The following GARIN1A variants were observed in gnomAD, a reference collection of about 807,000 sequenced individuals.
The protein encoded by GARIN1A is Golgi-associated RAB2 interactor protein 1A.
the GARIN1A span, chr7:128,672,560 T>C: frequency 6.4e-7 from 1 of 1,557,970 alleles, no homozygotes; most frequent in South Asian, 1.1e-5. Context: ...GGTACCCTCG[T>C]GGAGCTCAGG....
the GARIN1A span, among the ~76,000 whole-genome samples, chr7:128,679,563 C>T: frequency 6.6e-6 from 1 of 152,146 alleles, no homozygotes; most frequent in African/African-American, 2.4e-5. Context: ...CAAGTATTTG[C>T]CCTTCCTCTT....
chr7:128,699,332 A>G, the GARIN1A span, among the ~76,000 whole-genome samples: 4 of 145,584 alleles, frequency 2.7e-5, no homozygotes, highest in African/African-American at 7.6e-5. Context: ...TTATTTAACA[A>G]TTCATTTGTT....
At chr7:128,672,214 C>T in the GARIN1A span, 3 of 530,762 alleles carry the variant, frequency 5.7e-6, no homozygotes, top group Non-Finnish European at 1.0e-5. Context: ...GTCACCATCA[C>T]ATTCCTTGAT....
the GARIN1A span, chr7:128,675,614 C>T: frequency 5.8e-6 from 9 of 1,543,696 alleles, no homozygotes; most frequent in African/African-American, 9.7e-5. Context: ...TTTCCAGCAT[C>T]TGTATTCCAC....
chr7:128,689,543 GCCCCTCCGCCCGGC>G, the GARIN1A span, among the ~76,000 whole-genome samples: 1 of 150,072 alleles, frequency 6.7e-6, no homozygotes, highest in African/African-American at 2.5e-5. Context: ...GAAGTGAGGA[GCCCCTCCGCCCGGC>G]AGCCGCCCCG....
the GARIN1A span, among the ~76,000 whole-genome samples, chr7:128,680,753 GAC>G: frequency 6.6e-6 from 1 of 151,982 alleles, no homozygotes; most frequent in Admixed American, 6.6e-5. Flanking sequence ...TTTTAGTAGA[GAC>G]AGGGTTTCAC....
At chr7:128,696,008 CTTTTTTTTT>C in the GARIN1A span, among the ~76,000 whole-genome samples, 10 of 80,122 alleles carry the variant, frequency 1.2e-4, no homozygotes, top group African/African-American at 4.1e-4. Flanking sequence ...TCCTAACTTC[CTTTTTTTTT>C]TTTTTTTTTT....
At chr7:128,701,928 A>G in the GARIN1A span, among the ~76,000 whole-genome samples, 1 of 152,168 alleles carries the variant, frequency 6.6e-6, no homozygotes, top group Non-Finnish European at 1.5e-5. Flanking sequence ...ATCCTACACA[A>G]AAATAAGAAT....
chr7:128,683,452 T>TTTTATTTATTTA, the GARIN1A span: 24,208 of 154,178 alleles, frequency 0.16, 2,211 homozygotes, highest in Admixed American at 0.21. Flanking sequence ...GACTGGGTAA[T>TTTTATTTATTTA]TTTATTTATT....
chr7:128,705,657 T>G, the GARIN1A span, among the ~76,000 whole-genome samples: 3 of 1,322 alleles, frequency 2.3e-3, no homozygotes, highest in Admixed American at 0.021. Flanking sequence ...TTTTTGGTGT[T>G]TTTTTTTTTT....
the GARIN1A span, chr7:128,690,403 A>T: frequency 6.8e-6 from 1 of 146,480 alleles, no homozygotes; most frequent in Non-Finnish European, 1.5e-5. Flanking sequence ...ATGATCAATA[A>T]AAATAAATAA....
chr7:128,678,731 C>G, the GARIN1A span, among the ~76,000 whole-genome samples: 2 of 146,088 alleles, frequency 1.4e-5, no homozygotes, highest in Non-Finnish European at 3.0e-5. Flanking sequence ...ACTCAGGAAG[C>G]AAAGGTTGCA....
the GARIN1A span, chr7:128,675,549 G>A: frequency 1.1e-6 from 1 of 893,838 alleles, no homozygotes; most frequent in South Asian, 1.5e-5. Flanking sequence ...AGGATCAATA[G>A]CAGGTCAGGG....
chr7:128,672,894 ACT>A, the GARIN1A span, among the ~76,000 whole-genome samples: 1 of 152,004 alleles, frequency 6.6e-6, no homozygotes, highest in Non-Finnish European at 1.5e-5. Flanking sequence ...GCTGTTAGAA[ACT>A]CTGCTCTGAA....
the GARIN1A span, among the ~76,000 whole-genome samples, chr7:128,696,679 G>T: frequency 6.6e-6 from 1 of 152,108 alleles, no homozygotes; most frequent in South Asian, 2.1e-4. Context: ...AAAAGAAAAA[G>T]GATTCTAGGT....
At chr7:128,684,699 T>C in the GARIN1A span, 2 of 151,020 alleles carry the variant, frequency 1.3e-5, no homozygotes, top group Non-Finnish European at 2.9e-5. Flanking sequence ...CCCTGGCTCA[T>C]ACAACATTTC....
chr7:128,688,685 CCT>C, the GARIN1A span, among the ~76,000 whole-genome samples: 1 of 151,796 alleles, frequency 6.6e-6, no homozygotes, highest in Admixed American at 6.6e-5. Context: ...ATCTCAGTTT[CCT>C]CTGAGTACCA....
At chr7:128,676,349 C>T in the GARIN1A span, among the ~76,000 whole-genome samples, 23,853 of 151,840 alleles carry the variant, frequency 0.16, 2,276 homozygotes, top group African/African-American at 0.26. Flanking sequence ...CACTGTGCTT[C>T]GTGCTGGGAT....
the GARIN1A span, among the ~76,000 whole-genome samples, chr7:128,702,676 G>T: frequency 2.0e-5 from 3 of 152,148 alleles, no homozygotes; most frequent in Non-Finnish European, 4.4e-5. Context: ...TGATCAATAT[G>T]GTAGATGTTA....
Sources: gnomAD v4.1 joint callset for allele counts (sites outside exome capture counted in the v4.1 genomes callset) on GRCh38, gnomAD v4.1.1 for gene constraint, MANE v1.5 for transcripts, NCBI Gene and HGNC (gene_info 2026-07-23, HGNC 2026-07-21) for gene names.